The following SNTG2 variants were observed in gnomAD, a reference collection of about 807,000 sequenced individuals.
SNTG2 encodes syntrophin gamma 2.
SNTG2 carries 74 observed loss-of-function variants against 70.9 expected under a neutral mutation model. That is an observed-to-expected ratio of 1.04 (90% CI 0.86 to 1.27). The LOEUF (loss-of-function observed/expected upper bound fraction) is 1.27, where lower values mean the gene tolerates loss of function less well. SNTG2 is among the 50% of genes most tolerant of loss of function. The probability of loss-of-function intolerance (pLI) is 0.00; values close to 1 mark genes in which losing one functional copy is unlikely to be tolerated. For missense variants in SNTG2, 717 were observed against 690.7 expected (o/e 1.04, Z -0.43); for synonymous variants, 278 against 273.8 (o/e 1.02, Z -0.15).
intron 4 of SNTG2, among the ~76,000 whole-genome samples, chr2:1,134,181 C>T (rs541397795): frequency 6.6e-4 from 100 of 152,160 alleles, no homozygotes; most frequent in South Asian, 5.4e-3. Context: ...GCAGCGTGGA[C>T]CCAAAGAGTG....
chr2:994,194 A>G (rs983669233), intron 1 of SNTG2, among the ~76,000 whole-genome samples: 1 of 152,088 alleles, frequency 6.6e-6, no homozygotes, highest in Non-Finnish European at 1.5e-5. Flanking sequence ...AAGAACAAAT[A>G]TAAACGTATT....
At chr2:972,440 G>A (rs993724326) in intron 1 of SNTG2, among the ~76,000 whole-genome samples, 3 of 152,166 alleles carry the variant, frequency 2.0e-5, no homozygotes, top group African/African-American at 4.8e-5. Flanking sequence ...TCCAAAATTA[G>A]AGTAGTAACT....
intron 1 of SNTG2, among the ~76,000 whole-genome samples, chr2:974,106 A>C (rs1660835114): frequency 6.6e-6 from 1 of 152,314 alleles, no homozygotes; most frequent in African/African-American, 2.4e-5. Context: ...CTAAGAAAGA[A>C]GGAAGTGGTG....
intron 14 of SNTG2, 41 bp downstream of exon 14, chr2:1,267,612 G>A (rs72770633): frequency 5.4e-4 from 834 of 1,533,916 alleles, no homozygotes; most frequent in Non-Finnish European, 7.1e-4. Flanking sequence ...ACACCTGCTC[G>A]GGTGTCTGAG....
intron 4 of SNTG2, among the ~76,000 whole-genome samples, chr2:1,112,526 C>G (rs150670545): frequency 0.07 from 9,565 of 137,510 alleles, no homozygotes; most frequent in Admixed American, 0.094. Flanking sequence ...GTAACCCTTA[C>G]AGTCCTTTCA....
chr2:964,350 C>G (rs1160301670), intron 1 of SNTG2, among the ~76,000 whole-genome samples: 1 of 152,182 alleles, frequency 6.6e-6, no homozygotes, highest in Non-Finnish European at 1.5e-5. Flanking sequence ...CTCCGCCTGC[C>G]TCCGCCCCTT....
At chr2:1,300,106 C>G (rs932137699) in intron 14 of SNTG2, among the ~76,000 whole-genome samples, 1 of 151,874 alleles carries the variant, frequency 6.6e-6, no homozygotes, top group African/African-American at 2.4e-5. Flanking sequence ...CATCACCACT[C>G]TGAAGGGCAT....
chr2:1,348,403 T>G (rs563217094), intron 16 of SNTG2, among the ~76,000 whole-genome samples: 2 of 152,296 alleles, frequency 1.3e-5, no homozygotes, highest in East Asian at 3.9e-4. Context: ...AAAACAAACA[T>G]TTTACAACCT....
chr2:1,047,106 C>T (rs1198171678), intron 1 of SNTG2, among the ~76,000 whole-genome samples: 1 of 152,162 alleles, frequency 6.6e-6, no homozygotes, highest in Admixed American at 6.5e-5. Flanking sequence ...GGTCTTTGAG[C>T]TCTGAGATTT....
At chr2:1,355,924 G>T (rs559991646) in intron 16 of SNTG2, among the ~76,000 whole-genome samples, 149 of 152,292 alleles carry the variant, frequency 9.8e-4, no homozygotes, top group African/African-American at 3.4e-3. Flanking sequence ...GTTTTGATTT[G>T]CATTTCCCTA....
chr2:1,337,284 C>A (rs1457086786), intron 16 of SNTG2, among the ~76,000 whole-genome samples: 1 of 152,112 alleles, frequency 6.6e-6, no homozygotes, highest in Non-Finnish European at 1.5e-5. Context: ...GCTGTAGCAG[C>A]TGCACTATTT....
At chr2:1,141,652 T>A (rs905367138) in intron 6 of SNTG2, among the ~76,000 whole-genome samples, 7 of 152,222 alleles carry the variant, frequency 4.6e-5, no homozygotes, top group African/African-American at 1.7e-4. Flanking sequence ...AGCATGGCTT[T>A]TGGTTTTCCG....
At chr2:986,968 GT>G (rs1558295785) in intron 1 of SNTG2, among the ~76,000 whole-genome samples, 1 of 152,138 alleles carries the variant, frequency 6.6e-6, no homozygotes, top group Non-Finnish European at 1.5e-5. Flanking sequence ...TTCGATTATC[GT>G]TATATATGTT....
Position 1,060,061 on chromosome 2 carries a change from C to T in SNTG2, c.73-23457C>T, listed in dbSNP as rs1334067434. On this transcript the variant is annotated intron_variant, in intron 1 of 16. Transcript: ENST00000308624. ...AGGATTACATTTTATCCCTACCTTACATCATATCAAAAAAATAATACAAAC... is the reference window on the plus strand; with the variant it reads ...AGGATTACATTTTATCCCTACCTTATATCATATCAAAAAAATAATACAAAC... Among the ~76,000 whole-genome samples the T allele has an allele frequency of 5.9e-5, 9 of 152,198 alleles. No individual in the cohort carries two copies. The South Asian group carries it at 1.0e-3, about 18-fold the overall frequency.
intron 9 of SNTG2, among the ~76,000 whole-genome samples, chr2:1,233,960 C>T (rs1261933734): frequency 6.6e-6 from 1 of 152,086 alleles, no homozygotes; most frequent in East Asian, 1.9e-4. Context: ...CTTACAGCAG[C>T]TTCCTACAAT....
At chr2:1,317,260 G>A (rs79080927) in intron 16 of SNTG2, among the ~76,000 whole-genome samples, 2 of 87,226 alleles carry the variant, frequency 2.3e-5, no homozygotes, top group Admixed American at 1.2e-4. Flanking sequence ...GGATTCTGGA[G>A]CATTTAGCAT....
intron 11 of SNTG2, among the ~76,000 whole-genome samples, chr2:1,240,361 A>G (rs1021750954): frequency 3.3e-5 from 5 of 152,216 alleles, no homozygotes; most frequent in Admixed American, 2.6e-4. Flanking sequence ...TCCCACGTCT[A>G]TGAGTACTTA....
intron 1 of SNTG2, among the ~76,000 whole-genome samples, chr2:1,059,590 GTTTTT>G (rs913609592): frequency 6.6e-6 from 1 of 151,794 alleles, no homozygotes; most frequent in African/African-American, 2.4e-5. Flanking sequence ...ATCTAAATAC[GTTTTT>G]TTATTTTATA....
chr2:1,083,408 A>G, intron 1 of SNTG2, 110 bp from the exon 2 acceptor site: 2 of 1,074,328 alleles, frequency 1.9e-6, no homozygotes, highest in Non-Finnish European at 2.8e-6. Context: ...ACACGCGAGC[A>G]CTACACGTGC....
Sources: allele counts gnomAD v4.1 joint callset (sites outside exome capture counted in the v4.1 genomes callset), GRCh38; gene constraint gnomAD v4.1.1; transcripts MANE v1.5; gene names NCBI Gene and HGNC (gene_info 2026-07-23, HGNC 2026-07-21).